Variants in JMY observed in about 807,000 individuals in gnomAD.
JMY encodes junction-mediating and -regulatory protein.
In JMY, 46 loss-of-function variants were observed where a neutral mutation model predicts 103.3. That is an observed-to-expected ratio of 0.45 (90% CI 0.35 to 0.57). The LOEUF (loss-of-function observed/expected upper bound fraction) is 0.57. Among genes scored for constraint, JMY ranks in the 20% least tolerant of loss-of-function variants. JMY has a pLI of 0.00. For missense variants in JMY, 1,238 were observed against 1,255.2 expected (o/e 0.99, Z 0.21); for synonymous variants, 526 against 489.3 (o/e 1.07, Z -0.99).
intron 1 of JMY, among the ~76,000 whole-genome samples, chr5:79,271,151 G>C (rs1289123732): frequency 6.6e-6 from 1 of 151,446 alleles, no homozygotes; most frequent in East Asian, 1.9e-4. Flanking sequence ...CTGCAGCCTT[G>C]ACTTCACAGG....
intron 1 of JMY, among the ~76,000 whole-genome samples, chr5:79,241,232 T>C (rs34805464): frequency 0.056 from 8,493 of 152,226 alleles, 534 homozygotes; most frequent in African/African-American, 0.15. Context: ...GGTCCTTGGC[T>C]TTGACAATAC....
rs1029921100 is a variant in JMY at position 79,321,770 on chromosome 5, G to C, written c.*168G>C. The C allele has an allele frequency of 6.6e-6, 1 of 152,136 alleles. No individual in the cohort carries two copies. Among genetic ancestry groups the C allele is most frequent in the Admixed American group, 6.6e-5 (1 of 15,266 alleles). The allele number at this position is 152,136 out of a possible 1,614,324, so 9.4% of individuals were successfully genotyped here. ...ATTGGCAGGTTATCACTTTCCAGTCGTTCCAATAGATGATGGTTAACATGA... is the reference window on the plus strand; with the variant it reads ...ATTGGCAGGTTATCACTTTCCAGTCCTTCCAATAGATGATGGTTAACATGA... On this transcript the variant is annotated 3_prime_UTR_variant, in exon 11 of 11. Coordinates refer to ENST00000396137, the MANE Select transcript of JMY (RefSeq NM_152405.5).
chr5:79,268,508 G>A (rs1239283363), intron 1 of JMY, among the ~76,000 whole-genome samples: 5 of 151,856 alleles, frequency 3.3e-5, no homozygotes, highest in African/African-American at 4.8e-5. Flanking sequence ...TATTTCTTGA[G>A]ATGGCGTCTC....
rs780473079 is a variant in JMY, at chr5:79,291,187, C to T, written c.1415C>T (p.Ala472Val). 21 of 1,612,320 alleles carry T rather than the reference C, an allele frequency of 1.3e-5. No individual in the cohort carries two copies. Among genetic ancestry groups the T allele is most frequent in the East Asian group, 4.5e-5 (2 of 44,852 alleles). ...AAATTTGGTAAAGCATCATGGGCAG[C>T]GGCTGCTGAACGGATGGAAAAACTC... ...QKKFGKASWA[A>V]AAERMEKLQY... The change falls in exon 4 of 11, where the codon GCG becomes GTG. Residue 472 changes from alanine (A) to valine (V), a missense_variant. By Grantham distance (64) the Ala-to-Val change is moderately conservative (BLOSUM62 0). Coordinates refer to ENST00000396137, the MANE Select transcript of JMY (RefSeq NM_152405.5).
In JMY at chr5:79,316,276, A is replaced by C; in HGVS notation, c.2936A>C (p.Glu979Ala). 7 of 1,612,816 alleles carry C rather than the reference A, an allele frequency of 4.3e-6. No individual in the cohort carries two copies. Among genetic ancestry groups the C allele is most frequent in the Non-Finnish European group, 5.9e-6 (7 of 1,179,372 alleles). Residue 979 changes from glutamate to alanine, a missense_variant, in exon 10 of 11, where the codon GAG (glutamate) becomes GCG (alanine). Glu to Ala is a moderately radical substitution (Grantham distance 107). Transcript: ENST00000396137. ...EASPESEDEEEALPCTDWEN is the reference protein window; with the variant it reads ...EASPESEDEEAALPCTDWEN ...TCCCCAGAGTCAGAGGACGAAGAGGAGGCTTTACCTTGCACAGACTGGGAG... is the reference window on the plus strand; with the variant it reads ...TCCCCAGAGTCAGAGGACGAAGAGGCGGCTTTACCTTGCACAGACTGGGAG...
intron 1 of JMY, among the ~76,000 whole-genome samples, chr5:79,270,645 A>G (rs1745751708): frequency 6.9e-6 from 1 of 144,368 alleles, no homozygotes; most frequent in Non-Finnish European, 1.5e-5. Flanking sequence ...ATAAATATTT[A>G]TATAAAATAT....
At chr5:79,282,394 T>C (rs771049757) in intron 2 of JMY, among the ~76,000 whole-genome samples, 11 of 152,116 alleles carry the variant, frequency 7.2e-5, no homozygotes, top group Non-Finnish European at 1.6e-4. Flanking sequence ...TTTGTCAAAA[T>C]CAATCACAAT....
At chr5:79,264,438 A>G (rs547261462) in intron 1 of JMY, among the ~76,000 whole-genome samples, 1 of 151,526 alleles carries the variant, frequency 6.6e-6, no homozygotes, top group Non-Finnish European at 1.5e-5. Flanking sequence ...TATGTTGCCC[A>G]GGCTGGTCTT....
At chr5:79,245,701 C>G (rs1465742862) in intron 1 of JMY, among the ~76,000 whole-genome samples, 1 of 152,178 alleles carries the variant, frequency 6.6e-6, no homozygotes, top group Non-Finnish European at 1.5e-5. Context: ...CTTTGGCTCA[C>G]TGCAACCTCC....
intron 6 of JMY, among the ~76,000 whole-genome samples, chr5:79,305,285 A>G (rs952803928): frequency 2.0e-5 from 3 of 152,096 alleles, no homozygotes; most frequent in African/African-American, 7.2e-5. Context: ...CCCCGTCTCT[A>G]CTAAAAATAC....
intron 1 of JMY, among the ~76,000 whole-genome samples, chr5:79,253,494 G>A (rs773034829): frequency 3.3e-5 from 5 of 151,908 alleles, no homozygotes; most frequent in Non-Finnish European, 5.9e-5. Context: ...GGGTTTCACC[G>A]TGTTAGCCAG....
intron 1 of JMY, among the ~76,000 whole-genome samples, chr5:79,275,337 A>G (rs1248179506): frequency 6.6e-6 from 1 of 151,586 alleles, no homozygotes; most frequent in African/African-American, 2.4e-5. Context: ...ATTTTTTTGT[A>G]TTTTTAGTAG....
At chr5:79,239,634 G>C (rs1025118451) in intron 1 of JMY, among the ~76,000 whole-genome samples, 2 of 151,860 alleles carry the variant, frequency 1.3e-5, no homozygotes, top group African/African-American at 4.8e-5. Context: ...GTGAAACCCC[G>C]TCTCTACTAA....
intron 4 of JMY, among the ~76,000 whole-genome samples, chr5:79,292,807 G>A (rs1746461417): frequency 6.6e-6 from 1 of 152,116 alleles, no homozygotes; most frequent in Admixed American, 6.6e-5. Flanking sequence ...TGGGGAGTGG[G>A]GGGGGTCCTA....
chr5:79,294,416 A>T (rs1021915259), intron 4 of JMY, among the ~76,000 whole-genome samples: 13 of 152,194 alleles, frequency 8.5e-5, no homozygotes, highest in South Asian at 2.1e-4. Flanking sequence ...AAAATAAAAT[A>T]AAATTAAATT....
At chr5:79,274,128 ACTTT>A (rs1248011319) in intron 1 of JMY, among the ~76,000 whole-genome samples, 1 of 107,442 alleles carries the variant, frequency 9.3e-6, no homozygotes, top group Non-Finnish European at 2.4e-5. Context: ...CACACCCAGC[ACTTT>A]CTTTTTTTTC....
At chr5:79,258,311 G>GTTTTTTTT (rs1491360478) in intron 1 of JMY, among the ~76,000 whole-genome samples, 5 of 81,810 alleles carry the variant, frequency 6.1e-5, no homozygotes, top group African/African-American at 1.3e-4. Context: ...TTTTGTTTTT[G>GTTTTTTTT]TTGTTTTTTT....
At chr5:79,287,932 G>T (rs1385051335) in intron 2 of JMY, among the ~76,000 whole-genome samples, 1 of 152,108 alleles carries the variant, frequency 6.6e-6, no homozygotes. Context: ...GTTTTGACTT[G>T]TATCATTATT....
chr5:79,237,102 G>T lies in JMY; in HGVS notation c.452G>T (p.Gly151Val). ...CCAGTGCGGGCCAAACCCATCCCGG[G>T]TCAGAAAACATCTGAAGCCGACGAT... ...RSPVRAKPIP[G>V]QKTSEADDAA... is the part of the protein sequence containing the mutation. Residue 151 changes from glycine to valine, a missense_variant, in exon 1 of 11, where the codon GGT becomes GTT. Transcript: ENST00000396137. 1 of 1,548,474 alleles carries T rather than the reference G, an allele frequency of 6.5e-7. No homozygotes were observed. The highest frequency in any genetic ancestry group is 2.0e-5 in the Admixed American group (1 of 50,954).
Sources: allele counts gnomAD v4.1 joint callset (sites outside exome capture counted in the v4.1 genomes callset), GRCh38; gene constraint gnomAD v4.1.1; transcripts MANE v1.5; gene names NCBI Gene and HGNC (gene_info 2026-07-23, HGNC 2026-07-21).